The following SIK2 variants were observed in gnomAD, a reference collection of about 807,000 sequenced individuals.
SIK2 encodes the protein salt inducible kinase 2, also known as serine/threonine-protein kinase SIK2.
SIK2 carries 29 observed loss-of-function variants against 103.2 expected under a neutral mutation model. That is an observed-to-expected ratio of 0.28 (90% CI 0.21 to 0.38). The LOEUF (loss-of-function observed/expected upper bound fraction) is 0.38. Ranked by LOEUF, SIK2 falls within the 10% of genes least tolerant of loss-of-function variation. The pLI, the probability that SIK2 is intolerant of heterozygous loss-of-function variation, is 1.00. For synonymous variants in SIK2, 412 were observed against 446.1 expected (o/e 0.92, Z 0.96); for missense variants, 879 against 1,171.0 (o/e 0.75, Z 3.64).
intron 3 of SIK2, among the ~76,000 whole-genome samples, chr11:111,679,834 GT>G (rs920212745): frequency 6.6e-6 from 1 of 151,730 alleles, no homozygotes; most frequent in East Asian, 1.9e-4. Context: ...AATAAAAAGG[GT>G]TTTTTTTGGC....
chr11:111,665,517 A>G (rs1345196698), intron 3 of SIK2, among the ~76,000 whole-genome samples: 5 of 151,310 alleles, frequency 3.3e-5, no homozygotes, highest in Non-Finnish European at 7.4e-5. Context: ...TCAAAAAAAG[A>G]AAAAAAAAGG....
Position 111,730,576 on chromosome 11 carries a change from G to C in SIK2, c.*6447G>C, listed in dbSNP as rs187628698. 6.6e-6 allele frequency: 1 copy of C among 152,042 alleles called. No homozygotes were observed. Among genetic ancestry groups the C allele is most frequent in the East Asian group, 1.9e-4 (1 of 5,178 alleles). 9.4% of individuals were successfully genotyped at this position (152,042 alleles called of 1,614,324 possible). A position where few individuals can be genotyped will look rare whatever the true frequency, so the allele number is the denominator to read the frequency against. ...TTTTGATAAAGTTAATCTAACTGTAGTTATATTTTCTGTGTGCTTTTTTTT... is the reference window on the plus strand; with the variant it reads ...TTTTGATAAAGTTAATCTAACTGTACTTATATTTTCTGTGTGCTTTTTTTT... On this transcript the variant is annotated 3_prime_UTR_variant, in exon 15 of 15. Coordinates refer to ENST00000304987, the MANE Select transcript of SIK2 (RefSeq NM_015191.3).
chr11:111,636,422 G>A (rs1018747917), intron 3 of SIK2, among the ~76,000 whole-genome samples: 1 of 152,104 alleles, frequency 6.6e-6, no homozygotes, highest in South Asian at 2.1e-4. Flanking sequence ...TTTATTGAGG[G>A]CCTGTTATGT....
At chr11:111,707,211 TC>T (rs2135937335) in intron 8 of SIK2, among the ~76,000 whole-genome samples, 1 of 152,312 alleles carries the variant, frequency 6.6e-6, no homozygotes, top group South Asian at 2.1e-4. Context: ...CAGCAGGCTT[TC>T]CCTGCCAAGT....
At position 111,619,537 on chromosome 11, in the gene SIK2, G is replaced by A. The variant is rs190497473; in HGVS notation, c.253-802G>A. ...TTTTGTATTTTTTGGTAGAGACGGG[G>A]TTTTGCCATGTTGGCCAGGCTGGTG... On this transcript the variant is annotated intron_variant, in intron 2 of 14. Coordinates refer to ENST00000304987, the MANE Select transcript of SIK2 (RefSeq NM_015191.3). Among the ~76,000 whole-genome samples, 504 of 152,174 alleles carry A rather than the reference G, an allele frequency of 3.3e-3. 2 individuals carry two copies. Among genetic ancestry groups the A allele is most frequent in the African/African-American group, 0.011 (444 of 41,508 alleles).
At position 111,723,697 on chromosome 11, in the gene SIK2, G is replaced by A. The variant is rs374611691; in HGVS notation, c.2349G>A (p.Glu783=). ...GCCCCGTCCTGGAGCCTTCCTCCGA[G>A]CAGATGCAATACAGCCCTTTCCTCA... ...PLSPVLEPSS[E]QMQYSPFLSQ... Residue 783 remains glutamate (E), a synonymous_variant, in exon 15 of 15, where the codon GAG becomes GAA. Transcript: ENST00000304987. 12 of 1,614,000 alleles carry A rather than the reference G, an allele frequency of 7.4e-6. No homozygotes were observed. The highest frequency in any genetic ancestry group is 1.3e-5 in the African/African-American group (1 of 74,908).
At chr11:111,694,329 A>C (rs764991666) in intron 4 of SIK2, among the ~76,000 whole-genome samples, 19 of 152,178 alleles carry the variant, frequency 1.2e-4, no homozygotes, top group Non-Finnish European at 1.5e-5. Context: ...GGTTGATGCA[A>C]CTTAATTTTT....
intron 4 of SIK2, among the ~76,000 whole-genome samples, chr11:111,697,232 A>G (rs1479257959): frequency 6.6e-6 from 1 of 152,226 alleles, no homozygotes. Flanking sequence ...TCATAGAACT[A>G]AGAAGAAATT....
intron 1 of SIK2, among the ~76,000 whole-genome samples, chr11:111,605,462 G>C (rs188925387): frequency 1.3e-5 from 2 of 152,270 alleles, no homozygotes; most frequent in African/African-American, 4.8e-5. Context: ...ACATACTACA[G>C]TAGTTATAGT....
chr11:111,662,484 C>A (rs1565339263), intron 3 of SIK2, among the ~76,000 whole-genome samples: 1 of 152,014 alleles, frequency 6.6e-6, no homozygotes, highest in Non-Finnish European at 1.5e-5. Flanking sequence ...TGCGGTGGCT[C>A]ACACCTATAG....
chr11:111,708,604 G>A (rs555124450), intron 8 of SIK2, among the ~76,000 whole-genome samples: 2 of 151,990 alleles, frequency 1.3e-5, no homozygotes, highest in South Asian at 4.2e-4. Context: ...TTTTGTTTTT[G>A]AGATGGGGTC....
At chr11:111,631,873 T>C (rs1942044868) in intron 3 of SIK2, among the ~76,000 whole-genome samples, 1 of 152,196 alleles carries the variant, frequency 6.6e-6, no homozygotes, top group Non-Finnish European at 1.5e-5. Context: ...AGAGCAATTA[T>C]GGTGGCATGC....
At chr11:111,691,865 C>T (rs544303890) in intron 4 of SIK2, among the ~76,000 whole-genome samples, 1 of 152,192 alleles carries the variant, frequency 6.6e-6, no homozygotes. Flanking sequence ...TAACTCTGCT[C>T]TTACCTCAAG....
chr11:111,671,445 G>A (rs1942626373), intron 3 of SIK2: 1 of 241,872 alleles, frequency 4.1e-6, no homozygotes, highest in South Asian at 5.0e-5. Flanking sequence ...GCCCTTTGCT[G>A]ATGTTCTGGG....
chr11:111,643,041 G>A (rs1223315781), intron 3 of SIK2, among the ~76,000 whole-genome samples: 5 of 151,850 alleles, frequency 3.3e-5, no homozygotes, highest in African/African-American at 7.3e-5. Context: ...TCATCTGTCC[G>A]CTAGTTAAAA....
intron 3 of SIK2, among the ~76,000 whole-genome samples, chr11:111,633,612 T>C (rs536126612): frequency 1.3e-5 from 2 of 152,306 alleles, no homozygotes; most frequent in South Asian, 2.1e-4. Context: ...GAAAATTGGC[T>C]TCCTCCAGTA....
At chr11:111,694,579 A>C (rs1412170103) in intron 4 of SIK2, among the ~76,000 whole-genome samples, 5 of 152,192 alleles carry the variant, frequency 3.3e-5, no homozygotes, top group African/African-American at 1.2e-4. Context: ...AGGCAAAGAT[A>C]GGAAAAATAT....
intron 3 of SIK2, among the ~76,000 whole-genome samples, chr11:111,673,685 G>A (rs952553035): frequency 6.6e-6 from 1 of 152,154 alleles, no homozygotes; most frequent in Admixed American, 6.5e-5. Flanking sequence ...AAATTATAGG[G>A]TAAGAGATTA....
At chr11:111,677,299 T>C (rs1219934837) in intron 3 of SIK2, among the ~76,000 whole-genome samples, 1 of 152,254 alleles carries the variant, frequency 6.6e-6, no homozygotes, top group Non-Finnish European at 1.5e-5. Context: ...GCTATTGTTC[T>C]GGAATTATAT....
Sources: gnomAD v4.1 joint callset for allele counts (sites outside exome capture counted in the v4.1 genomes callset) on GRCh38, gnomAD v4.1.1 for gene constraint, MANE v1.5 for transcripts, NCBI Gene and HGNC (gene_info 2026-07-23, HGNC 2026-07-21) for gene names.